Variants in ACSL5 observed in about 807,000 individuals in gnomAD.
ACSL5 encodes long-chain-fatty-acid--CoA ligase 5.
Under a neutral mutation model 84.9 loss-of-function variants are expected in ACSL5, and 50 were observed. That is an observed-to-expected ratio of 0.59 (90% CI 0.47 to 0.75). The LOEUF (loss-of-function observed/expected upper bound fraction) is 0.75, where lower values mean the gene tolerates loss of function less well. Ranked by LOEUF, ACSL5 falls within the 30% of genes least tolerant of loss-of-function variation. ACSL5 has a pLI of 0.00. For synonymous variants in ACSL5, 280 were observed against 300.7 expected, an observed-to-expected ratio of 0.93 and a Z score of 0.71; for missense variants, 775 against 830.4, an observed-to-expected ratio of 0.93 and a Z score of 0.82.
At chr10:112,375,865 G>A (rs189875111) in intron 1 of ACSL5, among the ~76,000 whole-genome samples, 80 of 152,282 alleles carry the variant, frequency 5.3e-4, no homozygotes, top group Non-Finnish European at 8.2e-4. Context: ...GGAGAGAGGC[G>A]GGGTAGAAGG....
At chr10:112,403,937 A>T (rs1245410936) in intron 3 of ACSL5, among the ~76,000 whole-genome samples, 1 of 152,186 alleles carries the variant, frequency 6.6e-6, no homozygotes, top group Non-Finnish European at 1.5e-5. Flanking sequence ...ACATGAAAAT[A>T]CTTAGGTCAG....
At chr10:112,410,930 C>A (rs960144448) in intron 9 of ACSL5, among the ~76,000 whole-genome samples, 1 of 152,166 alleles carries the variant, frequency 6.6e-6, no homozygotes, top group Non-Finnish European at 1.5e-5. Flanking sequence ...GATTTGACAC[C>A]GCTGGAATGG....
At chr10:112,392,997 A>G (rs952639895) in intron 1 of ACSL5, among the ~76,000 whole-genome samples, 2 of 152,122 alleles carry the variant, frequency 1.3e-5, no homozygotes, top group Non-Finnish European at 2.9e-5. Context: ...ATGGGAGAGC[A>G]CAAAACAGGC....
intron 1 of ACSL5, among the ~76,000 whole-genome samples, chr10:112,391,829 A>G (rs1417212332): frequency 1.3e-5 from 2 of 152,322 alleles, no homozygotes; most frequent in South Asian, 4.1e-4. Context: ...GACCCATAGT[A>G]TTGTTACTAT....
At chr10:112,423,864 G>A (rs985173006) in intron 17 of ACSL5, among the ~76,000 whole-genome samples, 3 of 152,070 alleles carry the variant, frequency 2.0e-5, no homozygotes, top group African/African-American at 7.2e-5. Context: ...GGCAGCTCAC[G>A]CCTATAATCC....
chr10:112,411,798 C>A, intron 10 of ACSL5, 104 bp from the exon 11 acceptor site: 1 of 1,087,504 alleles, frequency 9.2e-7, no homozygotes, highest in Non-Finnish European at 1.4e-6. Context: ...GCCTATACAG[C>A]TGTCTGTGGT....
intron 9 of ACSL5, 64 bp downstream of exon 9, chr10:112,410,699 G>T: frequency 6.5e-7 from 1 of 1,529,888 alleles, no homozygotes; most frequent in South Asian, 1.2e-5. Context: ...TCAATTCTTG[G>T]CCACTGGTAG....
intron 1 of ACSL5, among the ~76,000 whole-genome samples, chr10:112,377,180 T>A (rs1433874810): frequency 6.6e-6 from 1 of 152,026 alleles, no homozygotes; most frequent in Non-Finnish European, 1.5e-5. Flanking sequence ...GTCTGAAAGG[T>A]AGAATTGAAT....
chr10:112,400,755 T>C (rs1295148851), intron 3 of ACSL5, among the ~76,000 whole-genome samples: 1 of 152,214 alleles, frequency 6.6e-6, no homozygotes, highest in East Asian at 1.9e-4. Context: ...GGTCTCACTA[T>C]GTTGTCCAAG....
At chr10:112,410,736 C>G in intron 9 of ACSL5, 101 bp downstream of exon 9, 2 of 1,272,558 alleles carry the variant, frequency 1.6e-6, no homozygotes, top group Admixed American at 4.5e-5. Flanking sequence ...TCTAAAGAGC[C>G]CTATACTTAG....
At chr10:112,393,746 C>T (rs886614257) in intron 1 of ACSL5, among the ~76,000 whole-genome samples, 1 of 152,148 alleles carries the variant, frequency 6.6e-6, no homozygotes, top group East Asian at 1.9e-4. Context: ...CAAATTCAAT[C>T]CCCTTGAATT....
chr10:112,400,412 T>C (rs573482935), intron 3 of ACSL5, among the ~76,000 whole-genome samples: 67 of 114,258 alleles, frequency 5.9e-4, no homozygotes, highest in Admixed American at 1.1e-3. Flanking sequence ...TTTTCTTTTT[T>C]TTTTTTTTTT....
At chr10:112,380,358 C>G (rs1240595333) in intron 1 of ACSL5, among the ~76,000 whole-genome samples, 1 of 152,178 alleles carries the variant, frequency 6.6e-6, no homozygotes, top group African/African-American at 2.4e-5. Flanking sequence ...CCCAGGCTCT[C>G]TGGAGTATGT....
intron 12 of ACSL5, among the ~76,000 whole-genome samples, chr10:112,415,382 G>A (rs938048056): frequency 6.6e-6 from 1 of 152,122 alleles, no homozygotes; most frequent in East Asian, 1.9e-4. Flanking sequence ...TGTATTTTTA[G>A]TAGAGACGGG....
At chr10:112,420,903 G>C (rs927475638) in intron 14 of ACSL5, among the ~76,000 whole-genome samples, 2 of 152,026 alleles carry the variant, frequency 1.3e-5, no homozygotes, top group African/African-American at 4.8e-5. Context: ...TGTATTTTTA[G>C]TAGAGATGGG....
chr10:112,411,737 A>C (rs2133633281), intron 10 of ACSL5, among the ~76,000 whole-genome samples, 165 bp from the exon 11 acceptor site: 1 of 152,152 alleles, frequency 6.6e-6, no homozygotes. Context: ...GATCACTGCA[A>C]ATTTCTACAC....
intron 1 of ACSL5, among the ~76,000 whole-genome samples, chr10:112,378,739 C>T (rs1421778887): frequency 6.6e-6 from 1 of 152,210 alleles, no homozygotes; most frequent in Non-Finnish European, 1.5e-5. Flanking sequence ...TTATCACATT[C>T]TGCTGGAAAT....
rs760688272 is a variant in ACSL5 at position 112,404,812 on chromosome 10, T to G, written c.432+6T>G. ...TTGCTCAGAATAGGCCAGAGGTAAC[T>G]ATGTTGAAGTTAACTAAAGGAAATG... On this transcript the variant is annotated splice_donor_region_variant and intron_variant, in intron 5 of 20. Transcript: ENST00000354655. 6.2e-7 allele frequency: 1 copy of G among 1,605,270 alleles called. No individual in the cohort carries two copies. Among genetic ancestry groups the G allele is most frequent in the Non-Finnish European group, 8.5e-7 (1 of 1,173,840 alleles).
chr10:112,386,224 G>T, intron 1 of ACSL5, among the ~76,000 whole-genome samples: 1 of 127,204 alleles, frequency 7.9e-6, no homozygotes, highest in Non-Finnish European at 1.6e-5. Flanking sequence ...GGCAGAGTCT[G>T]GCTCTGTTGC....
Sources: allele counts gnomAD v4.1 joint callset (sites outside exome capture counted in the v4.1 genomes callset), GRCh38; gene constraint gnomAD v4.1.1; transcripts MANE v1.5; gene names NCBI Gene and HGNC (gene_info 2026-07-23, HGNC 2026-07-21).